The following ENTPD5 variants were observed in gnomAD, a reference collection of about 807,000 sequenced individuals.
ENTPD5 encodes nucleoside diphosphate phosphatase ENTPD5.
In ENTPD5, 49 loss-of-function variants were observed where a neutral mutation model predicts 60.2. That is an observed-to-expected ratio of 0.81 (90% CI 0.65 to 1.03). The LOEUF (loss-of-function observed/expected upper bound fraction) is 1.03, where lower values mean the gene tolerates loss of function less well. Ranked by LOEUF, ENTPD5 falls within the 50% of genes least tolerant of loss-of-function variation. ENTPD5 has a pLI of 0.00. For missense variants in ENTPD5, 480 were observed against 507.6 expected (o/e 0.95, Z 0.52); for synonymous variants, 187 against 185.4 (o/e 1.01, Z -0.07).
chr14:73,984,933 G>A (rs1462396744), intron 5 of ENTPD5, among the ~76,000 whole-genome samples: 1 of 152,118 alleles, frequency 6.6e-6, no homozygotes, highest in Non-Finnish European at 1.5e-5. Flanking sequence ...GGTGTGTGAT[G>A]TTCCCCACCC....
intron 15 of ENTPD5, among the ~76,000 whole-genome samples, chr14:73,968,828 G>C (rs1168340575): frequency 6.6e-6 from 1 of 152,168 alleles, no homozygotes; most frequent in Non-Finnish European, 1.5e-5. Flanking sequence ...TGATGTAATA[G>C]AGCCTAGACA....
chr14:73,970,095 C>T lies in ENTPD5; in HGVS notation c.1115G>A (p.Gly372Asp), dbSNP rs1251591525. The stretch of plus-strand genomic sequence containing the variant: ...GAGATCCATGCACAGGAAAGGACTG[C>T]CTGAGGTGAAGTTTTCCAAGTTATC... ...VCDNLENFTS[G>D]SPFLCMDLSY... Residue 372 changes from glycine (G) to aspartate (D), a missense_variant, in exon 15 of 16, where the codon GGC becomes GAC. By Grantham distance (94) the Gly-to-Asp change is moderately conservative. Coordinates refer to ENST00000334696, the MANE Select transcript of ENTPD5 (RefSeq NM_001249.5). The T allele has an allele frequency of 6.2e-7, 1 of 1,613,756 alleles. No individual in the cohort carries two copies. Among genetic ancestry groups the T allele is most frequent in the Admixed American group, 1.7e-5 (1 of 59,998 alleles).
At chr14:73,996,424 GAA>G (rs2058344384) in intron 3 of ENTPD5, 1 of 150,698 alleles carries the variant, frequency 6.6e-6, no homozygotes, top group Admixed American at 6.8e-5. Flanking sequence ...TAGCCAAATA[GAA>G]AAGTTAATAG....
intron 3 of ENTPD5, among the ~76,000 whole-genome samples, chr14:73,997,773 T>C (rs2058383420): frequency 1.3e-5 from 2 of 152,118 alleles, no homozygotes; most frequent in South Asian, 4.1e-4. Flanking sequence ...GGGTGGTGCA[T>C]GGTATCTTTT....
Position 73,988,014 on chromosome 14 carries a change from A to G in ENTPD5, c.89T>C (p.Phe30Ser), listed in dbSNP as rs928124570. ...AVSHRNQQTW[F>S]EGIFLSSMCP... ...CATGGAAGACAGGAAGATACCCTCAAACCAAGTCTGCTGGTTCCTGTGGGA... is the reference window on the plus strand; with the variant it reads ...CATGGAAGACAGGAAGATACCCTCAGACCAAGTCTGCTGGTTCCTGTGGGA... The change falls in exon 4 of 16, where the codon TTT (phenylalanine) becomes TCT (serine). Residue 30 changes from phenylalanine (F) to serine (S), a missense_variant. Coordinates refer to ENST00000334696, the MANE Select transcript of ENTPD5 (RefSeq NM_001249.5). The G allele has an allele frequency of 6.2e-7, 1 of 1,614,182 alleles. No homozygotes were observed. Among genetic ancestry groups the G allele is most frequent in the Non-Finnish European group, 8.5e-7 (1 of 1,180,036 alleles).
chr14:73,976,445 G>A (rs372238281), intron 8 of ENTPD5, 33 bp from the exon 9 acceptor site: 8 of 1,560,314 alleles, frequency 5.1e-6, no homozygotes, highest in Admixed American at 1.7e-5. Flanking sequence ...AAATAGCCTC[G>A]ACATCCTGGG....
At position 73,964,572 on chromosome 14, in the gene ENTPD5, A is replaced by G. The variant is rs1013534043; in HGVS notation, c.*2356T>C. 3.9e-5 allele frequency: 6 copies of G among 152,176 alleles called. No individual in the cohort carries two copies. Among genetic ancestry groups the G allele is most frequent in the African/African-American group, 1.2e-4 (5 of 41,434 alleles). The allele number at this position is 152,176 out of a possible 1,614,324, so 9.4% of individuals were successfully genotyped here. On this transcript the variant is annotated 3_prime_UTR_variant, in exon 16 of 16. Coordinates refer to ENST00000334696, the MANE Select transcript of ENTPD5 (RefSeq NM_001249.5). ...CCCCCACAGTGATTAAAGACCAGAG[A>G]CTTATATCTCTGCATTTGTCAAGCT...
At chr14:73,988,842 G>T (rs2058015110) in intron 3 of ENTPD5, among the ~76,000 whole-genome samples, 1 of 150,996 alleles carries the variant, frequency 6.6e-6, no homozygotes, top group South Asian at 2.1e-4. Flanking sequence ...TATTTTTTTT[G>T]AGACGGACTC....
At chr14:74,007,253 G>C (rs965387722) in intron 3 of ENTPD5, among the ~76,000 whole-genome samples, 15 of 152,226 alleles carry the variant, frequency 9.9e-5, no homozygotes, top group African/African-American at 3.1e-4. Flanking sequence ...CGGGCGCGGT[G>C]GCTCACGCCT....
At chr14:73,982,384 T>C (rs2057727730) in intron 6 of ENTPD5, among the ~76,000 whole-genome samples, 1 of 152,084 alleles carries the variant, frequency 6.6e-6, no homozygotes, top group Non-Finnish European at 1.5e-5. Flanking sequence ...CTAAAATAGA[T>C]ATATTTTATT....
chr14:73,977,082 AT>A, intron 7 of ENTPD5, 23 bp from the exon 8 acceptor site: 1 of 1,605,022 alleles, frequency 6.2e-7, no homozygotes, highest in Non-Finnish European at 8.5e-7. Flanking sequence ...AAAGACAAGG[AT>A]TAGATCCCAG....
intron 11 of ENTPD5, 85 bp from the exon 12 acceptor site, chr14:73,974,063 G>T (rs1480731406): frequency 5.7e-6 from 6 of 1,059,942 alleles, no homozygotes; most frequent in Non-Finnish European, 8.8e-6. Flanking sequence ...AGGTGGAAAA[G>T]AATCACCATG....
At chr14:73,977,674 A>G (rs2057501012) in intron 6 of ENTPD5, among the ~76,000 whole-genome samples, 1 of 152,220 alleles carries the variant, frequency 6.6e-6, no homozygotes, top group Non-Finnish European at 1.5e-5. Context: ...TGCCAGCTCA[A>G]ATCAGGATCC....
At chr14:74,001,201 T>A (rs998526959) in intron 3 of ENTPD5, among the ~76,000 whole-genome samples, 1 of 151,334 alleles carries the variant, frequency 6.6e-6, no homozygotes, top group African/African-American at 2.4e-5. Flanking sequence ...CTACAAAATA[T>A]TAAAAAATTA....
At position 73,987,978 on chromosome 14, in the gene ENTPD5, T is replaced by C. The variant is rs142327720; in HGVS notation, c.125A>G (p.Asn42Ser). ...GIFLSSMCPINVSASTLYGIM... is the reference protein window; with the variant it reads ...GIFLSSMCPISVSASTLYGIM... ...TCCATACAAGGTGCTGGCGCTGACA[T>C]TGATGGGGCACATGGAAGACAGGAA... is the stretch of plus-strand genomic sequence containing the variant. The change falls in exon 4 of 16, where the codon AAT (asparagine) becomes AGT (serine). Residue 42 changes from asparagine (N) to serine (S), a missense_variant. Coordinates refer to ENST00000334696, the MANE Select transcript of ENTPD5 (RefSeq NM_001249.5). The C allele has an allele frequency of 3.5e-4, 562 of 1,614,150 alleles. No individual in the cohort carries two copies. In the African/African-American group the frequency reaches 6.2e-3, roughly 18 times the overall value.
At chr14:73,968,018 G>A (rs1240878930) in intron 15 of ENTPD5, among the ~76,000 whole-genome samples, 3 of 152,098 alleles carry the variant, frequency 2.0e-5, no homozygotes, top group East Asian at 1.9e-4. Context: ...CAGCTACTTC[G>A]GAGGCTGAGG....
chr14:73,957,881 T>C (rs2056517643), downstream of ENTPD5: 5 of 433,894 alleles, frequency 1.2e-5, no homozygotes, highest in Non-Finnish European at 1.7e-5. Context: ...AGAGTGAAAA[T>C]GGAGGCGCAG....
At chr14:73,959,795 C>G, downstream of ENTPD5, 1 of 1,256,664 alleles carries the variant, frequency 8.0e-7, no homozygotes, top group East Asian at 3.1e-5. Flanking sequence ...GTCTCAAACT[C>G]CTGACCTCAA....
downstream of ENTPD5, chr14:73,959,576 G>T (rs1412824090): frequency 1.2e-6 from 2 of 1,613,178 alleles, no homozygotes; most frequent in East Asian, 4.5e-5. Context: ...ATACAGAAAG[G>T]TGTTGTTTTT....
Sources: allele counts gnomAD v4.1 joint callset (sites outside exome capture counted in the v4.1 genomes callset), GRCh38; gene constraint gnomAD v4.1.1; transcripts MANE v1.5; gene names NCBI Gene and HGNC (gene_info 2026-07-23, HGNC 2026-07-21).